RGS12: variants seen among roughly 807,000 people sequenced by gnomAD.
RGS12 encodes the protein regulator of G protein signaling 12, also known as regulator of G-protein signaling 12.
Under a neutral mutation model 120.1 loss-of-function variants are expected in RGS12, and 66 were observed. The ratio of observed to expected loss-of-function variants is 0.55; its 90% confidence interval spans 0.45 to 0.67. RGS12 has a LOEUF of 0.67. Ranked by LOEUF, RGS12 falls within the 30% of genes least tolerant of loss-of-function variation. The pLI is 0.00. For synonymous variants in RGS12, 827 were observed against 804.7 expected (o/e 1.03, Z -0.47); for missense variants, 1,859 against 1,957.7 (o/e 0.95, Z 0.95).
At chr4:3,307,928 C>T (rs1298027107) in intron 1 of RGS12, among the ~76,000 whole-genome samples, 1 of 152,252 alleles carries the variant, frequency 6.6e-6, no homozygotes, top group Non-Finnish European at 1.5e-5. Flanking sequence ...GGCATATTTT[C>T]CTTACCTGGT....
chr4:3,429,081 A>G (rs1723972871), intron 16 of RGS12, among the ~76,000 whole-genome samples: 1 of 152,188 alleles, frequency 6.6e-6, no homozygotes. Context: ...AGCATTAGAG[A>G]GTCCACCCTA....
At chr4:3,337,350 A>G (rs1712588821) in intron 2 of RGS12, among the ~76,000 whole-genome samples, 1 of 152,242 alleles carries the variant, frequency 6.6e-6, no homozygotes, top group African/African-American at 2.4e-5. Context: ...CACATGGCCC[A>G]CAGTCCTACT....
chr4:3,293,165 C>T (rs1334217151), intron 1 of RGS12, 66 bp downstream of exon 1: 1 of 146,034 alleles, frequency 6.8e-6, no homozygotes, highest in Non-Finnish European at 1.5e-5. Context: ...TCTTTCGTCT[C>T]CGGGGCGCGC....
At chr4:3,413,381 G>A (rs1663361656) in intron 4 of RGS12, 1 of 152,216 alleles carries the variant, frequency 6.6e-6, no homozygotes, top group Non-Finnish European at 1.5e-5. Flanking sequence ...ATCCCACATC[G>A]GGTCTCCTGT....
At chr4:3,434,237 A>C (rs1475957236) in intron 17 of RGS12, among the ~76,000 whole-genome samples, 1 of 152,090 alleles carries the variant, frequency 6.6e-6, no homozygotes, top group Non-Finnish European at 1.5e-5. Context: ...GACGCTTATA[A>C]AACCATCAGC....
At chr4:3,385,244 G>A (rs553391970) in intron 3 of RGS12, 2 of 152,508 alleles carry the variant, frequency 1.3e-5, no homozygotes, top group South Asian at 2.1e-4. Flanking sequence ...CCCTCGCCTT[G>A]GCAGAGAGGA....
intron 3 of RGS12, chr4:3,370,391 T>C: frequency 6.9e-7 from 1 of 1,453,574 alleles, no homozygotes; most frequent in Non-Finnish European, 9.7e-7. Context: ...GCTATCCTGT[T>C]TTAGCGAGTG....
At chr4:3,293,944 CAG>C (rs1290571361) in intron 1 of RGS12, among the ~76,000 whole-genome samples, 1 of 151,622 alleles carries the variant, frequency 6.6e-6, no homozygotes, top group Admixed American at 6.6e-5. Context: ...GCCGTGCAGA[CAG>C]AGAAGGGGCC....
intron 2 of RGS12, among the ~76,000 whole-genome samples, chr4:3,328,527 G>A (rs1262403179): frequency 6.6e-6 from 1 of 152,158 alleles, no homozygotes; most frequent in Non-Finnish European, 1.5e-5. Flanking sequence ...CCCTCACCAG[G>A]TGCAGTCCCT....
In RGS12 at chr4:3,317,592, G is replaced by A; in HGVS notation, c.1422G>A (p.Gly474=). 1 of 1,595,796 alleles carries A rather than the reference G, an allele frequency of 6.3e-7. No individual in the cohort carries two copies. The highest frequency in any genetic ancestry group is 8.5e-7 in the Non-Finnish European group (1 of 1,170,794). ...GAQPWGAPWT[G]PFCPDPEGSP... is the part of the protein sequence containing the mutation. ...AGCCCTGGGGTGCTCCCTGGACTGG[G>A]CCCTTCTGTCCGGACCCCGAAGGGA... The change falls in exon 2 of 18, where the codon GGG becomes GGA. Residue 474 remains glycine, a synonymous_variant. Coordinates refer to ENST00000336727, the MANE Select transcript of RGS12 (RefSeq NM_001394154.1).
chr4:3,305,351 G>A (rs1323552217), intron 1 of RGS12, among the ~76,000 whole-genome samples: 1 of 152,190 alleles, frequency 6.6e-6, no homozygotes, highest in Non-Finnish European at 1.5e-5. Flanking sequence ...GAGACCACCT[G>A]TCACTGTGCA....
rs1358531883 is a variant in RGS12, at chr4:3,365,530, AG to A, written c.1999-20885del. On this transcript the variant is annotated intron_variant, in intron 3 of 17. Transcript: ENST00000336727. This position sits in a 1 kb window ranked among gnomAD's most constrained non-coding sequence, Gnocchi z 4.0. ...TGTAAATCCCAGCAAAAACCGACGG[AG>A]CCCTGAGTCCGACCTAAGCCTTAGT... is the stretch of plus-strand genomic sequence containing the variant. Among the ~76,000 whole-genome samples, 1 of 152,022 alleles carries A rather than the reference AG, an allele frequency of 6.6e-6. No homozygotes were observed. The highest frequency in any genetic ancestry group is 2.4e-5 in the African/African-American group (1 of 41,378).
At position 3,317,200 on chromosome 4, in the gene RGS12, C is replaced by G. The variant is rs1481553189; in HGVS notation, c.1030C>G (p.Pro344Ala). ...RTSCHVFMVD[P>A]DLFNHKIHQG... Reference sequence around the variant, plus strand: ...TTCCTGCCACGTGTTCATGGTGGACCCAGACTTGTTTAATCACAAGATCCA... The same window carrying G: ...TTCCTGCCACGTGTTCATGGTGGACGCAGACTTGTTTAATCACAAGATCCA... The change falls in exon 2 of 18, where the codon CCA becomes GCA. Residue 344 changes from proline (P) to alanine (A), a missense_variant. Physicochemically the swap from Pro to Ala is conservative, Grantham distance 27. Transcript: ENST00000336727. 1 of 1,614,132 alleles carries G rather than the reference C, an allele frequency of 6.2e-7. No homozygotes were observed. The highest frequency in any genetic ancestry group is 8.5e-7 in the Non-Finnish European group (1 of 1,180,038).
At chr4:3,405,006 A>G (rs1394022120) in intron 4 of RGS12, among the ~76,000 whole-genome samples, 1 of 152,246 alleles carries the variant, frequency 6.6e-6, no homozygotes, top group Non-Finnish European at 1.5e-5. Flanking sequence ...TGAGCTTCCA[A>G]AAAAGAAAGG....
chr4:3,413,785 G>A (rs1722018659), intron 4 of RGS12: 1 of 387,808 alleles, frequency 2.6e-6, no homozygotes, highest in Non-Finnish European at 4.7e-6. Flanking sequence ...ATATGAGTGT[G>A]CGTGCAAGGG....
chr4:3,340,826 G>A (rs1464851080), intron 2 of RGS12, among the ~76,000 whole-genome samples: 3 of 152,174 alleles, frequency 2.0e-5, no homozygotes, highest in Non-Finnish European at 1.5e-5. Flanking sequence ...CGTGCACGGG[G>A]GCCTGCTCCT....
At chr4:3,315,528 A>C (rs192808501) in intron 1 of RGS12, among the ~76,000 whole-genome samples, 43 of 152,310 alleles carry the variant, frequency 2.8e-4, no homozygotes, top group African/African-American at 9.4e-4. Context: ...GTCATGGAAT[A>C]TTAGGTGACC....
chr4:3,434,204 G>A (rs746838070), intron 17 of RGS12, among the ~76,000 whole-genome samples: 71 of 152,166 alleles, frequency 4.7e-4, no homozygotes, highest in African/African-American at 8.7e-4. Context: ...GAGAGAGTAC[G>A]AGAACCGGCA....
chr4:3,432,158 T>C lies in RGS12; in HGVS notation c.4114+1203T>C, dbSNP rs536271100. On this transcript the variant is annotated intron_variant, in intron 17 of 17. Transcript: ENST00000336727. ...AGTCTGTTCTTCCAGGAGTAATAAA[T>C]TCTGGACATCATCACTGGACTGGCT... The C allele has an allele frequency of 4.4e-5, 43 of 985,452 alleles. No homozygotes were observed. The East Asian group carries it at 2.8e-3, about 65-fold the overall frequency. 61.0% of individuals were successfully genotyped at this position (985,452 alleles called of 1,614,324 possible).
Sources: allele counts gnomAD v4.1 joint callset (sites outside exome capture counted in the v4.1 genomes callset), GRCh38; gene constraint gnomAD v4.1.1; non-coding constraint Gnocchi (gnomAD v3.1); transcripts MANE v1.5; gene names NCBI Gene and HGNC (gene_info 2026-07-23, HGNC 2026-07-21).